The following SMAD3 variants were observed in gnomAD, a reference collection of about 807,000 sequenced individuals.
The protein encoded by SMAD3 is MAD homolog 3.
A neutral mutation model predicts 51.8 loss-of-function variants in SMAD3; 12 were observed. That is an observed-to-expected ratio of 0.23 (90% CI 0.15 to 0.38). SMAD3 has a LOEUF of 0.38. Ranked by LOEUF, SMAD3 falls within the 10% of genes least tolerant of loss-of-function variation. SMAD3 has a pLI of 1.00. For synonymous variants in SMAD3, 238 were observed against 227.7 expected (o/e 1.05, Z -0.41); for missense variants, 294 against 565.6 (o/e 0.52, Z 4.87).
intron 7 of SMAD3, chr15:67,187,089 G>C (rs1172725767): frequency 3.2e-6 from 2 of 616,558 alleles, no homozygotes; most frequent in Non-Finnish European, 6.1e-6. Context: ...CCCTGCTCTG[G>C]GAGTCGGAGC....
chr15:67,098,989 T>C (rs1566967662), intron 1 of SMAD3: 1 of 702,414 alleles, frequency 1.4e-6, no homozygotes, highest in Non-Finnish European at 2.6e-6. Context: ...CCCCAAACTG[T>C]GGACAGAGCG....
chr15:67,068,484 C>T (rs1959978809), intron 1 of SMAD3, among the ~76,000 whole-genome samples: 1 of 152,194 alleles, frequency 6.6e-6, no homozygotes, highest in African/African-American at 2.4e-5. Context: ...TTTTCCTCTT[C>T]CAAAGTCCTG....
In SMAD3 at chr15:67,170,577, C is replaced by G. The variant is rs1488421539; in HGVS notation, c.631C>G (p.Pro211Ala). The G allele has an allele frequency of 6.2e-7, 1 of 1,614,032 alleles. No homozygotes were observed. The highest frequency in any genetic ancestry group is 1.7e-5 in the Admixed American group (1 of 60,030). ...AGGTTCTCCAAACCTATCCCCGAAT[C>G]CGATGTCCCCAGCACATAATAACTT... ...DAGSPNLSPN[P>A]MSPAHNNLDL... Residue 211 changes from proline (P) to alanine (A), a missense_variant, in exon 5 of 9, where the codon CCG (proline) becomes GCG (alanine). Pro to Ala is a conservative substitution (Grantham distance 27). Coordinates refer to ENST00000327367, the MANE Select transcript of SMAD3 (RefSeq NM_005902.4).
rs111267434 is a variant in SMAD3, at chr15:67,065,775, G to C, written c.-380G>C. 2 of 201,692 alleles carry C rather than the reference G, an allele frequency of 9.9e-6. No individual in the cohort carries two copies. Among genetic ancestry groups the C allele is most frequent in the Non-Finnish European group, 1.0e-5 (1 of 97,628 alleles). 12.5% of individuals were successfully genotyped at this position (201,692 alleles called of 1,614,324 possible). On this transcript the variant is annotated 5_prime_UTR_variant, in exon 1 of 9. Transcript: ENST00000327367. ...GCGAGGCGAGCGAAGTTTGGCCGGG[G>C]GTTGGACTTTCCTTCCCGGAGGCGG...
chr15:67,175,701 A>G (rs1962872728), intron 5 of SMAD3, among the ~76,000 whole-genome samples: 1 of 152,194 alleles, frequency 6.6e-6, no homozygotes, highest in African/African-American at 2.4e-5. Context: ...CCACGCTGAC[A>G]GGCCCGGCTT....
intron 5 of SMAD3, among the ~76,000 whole-genome samples, chr15:67,177,870 A>G (rs893475): frequency 0.3 from 45,832 of 151,894 alleles, 7,814 homozygotes; most frequent in Admixed American, 0.45. Flanking sequence ...AGGGACCTAG[A>G]AAGGAGGGAA....
At chr15:67,186,896 G>A in intron 7 of SMAD3, 1 of 360,354 alleles carries the variant, frequency 2.8e-6, no homozygotes, top group Admixed American at 3.7e-5. Context: ...GCCCGTCTCT[G>A]GGGGCACTGC....
chr15:67,115,277 A>G (rs893167757), intron 1 of SMAD3, among the ~76,000 whole-genome samples: 2 of 151,930 alleles, frequency 1.3e-5, no homozygotes, highest in Admixed American at 6.6e-5. Flanking sequence ...CGGAAGCAGA[A>G]TCTCACCCAC....
chr15:67,156,084 C>T (rs752358126), intron 1 of SMAD3, among the ~76,000 whole-genome samples: 1 of 151,778 alleles, frequency 6.6e-6, no homozygotes, highest in African/African-American at 2.4e-5. Context: ...GGATATGAAA[C>T]TCTGAGGGCA....
chr15:67,074,150 C>G (rs12908498), intron 1 of SMAD3, among the ~76,000 whole-genome samples: 70,068 of 152,128 alleles, frequency 0.46, 16,462 homozygotes, highest in South Asian at 0.66. Context: ...CTCCCTCTTC[C>G]TTGCCTCTTC....
chr15:67,125,887 C>A, intron 1 of SMAD3: 32 of 985,502 alleles, frequency 3.2e-5, no homozygotes, highest in Non-Finnish European at 3.9e-5. Flanking sequence ...TCACCAGGAA[C>A]CCCACACGCT....
chr15:67,084,016 G>A (rs1260309045), intron 1 of SMAD3, among the ~76,000 whole-genome samples: 1 of 150,370 alleles, frequency 6.7e-6, no homozygotes, highest in Admixed American at 6.6e-5. Context: ...TGACAAGCTT[G>A]AAGGGAGAAT....
At chr15:67,186,402 C>T (rs1963223144) in intron 7 of SMAD3, among the ~76,000 whole-genome samples, 1 of 152,162 alleles carries the variant, frequency 6.6e-6, no homozygotes, top group African/African-American at 2.4e-5. Context: ...TTTGTCAGCT[C>T]ATAGAATGTC....
At chr15:67,166,202 A>C (rs986324550) in intron 3 of SMAD3, 4 of 1,017,678 alleles carry the variant, frequency 3.9e-6, no homozygotes, top group African/African-American at 1.7e-5. Context: ...GGGTAAGTCA[A>C]CTACTCCCTG....
intron 1 of SMAD3, among the ~76,000 whole-genome samples, chr15:67,121,069 T>C (rs1961249015): frequency 1.3e-5 from 2 of 152,194 alleles, no homozygotes; most frequent in African/African-American, 4.8e-5. Context: ...CAGGGCATGA[T>C]TGTATCTGTA....
At chr15:67,158,092 A>G (rs1224354466) in intron 1 of SMAD3, among the ~76,000 whole-genome samples, 1 of 152,122 alleles carries the variant, frequency 6.6e-6, no homozygotes, top group Non-Finnish European at 1.5e-5. Flanking sequence ...GGGCTGGGCC[A>G]GGGAGAAGAG....
chr15:67,193,678 ATGT>A lies in SMAD3; in HGVS notation c.*3146_*3148del, dbSNP rs1963425180. On this transcript the variant is annotated 3_prime_UTR_variant, in exon 9 of 9. Transcript: ENST00000327367. The stretch of plus-strand genomic sequence containing the variant: ...GCTGGCAGACGTCTCCATTGTCCTT[ATGT>A]TGTCTGTGTTGTATTTTTTTTTTTT... 1 of 232,018 alleles carries A rather than the reference ATGT, an allele frequency of 4.3e-6. No homozygotes were observed. The highest frequency in any genetic ancestry group is 8.5e-6 in the Non-Finnish European group (1 of 117,508). The allele number at this position is 232,018 out of a possible 1,614,324, so 14.4% of individuals were successfully genotyped here. A position where few individuals can be genotyped will look rare whatever the true frequency, so the allele number is the denominator to read the frequency against.
chr15:67,186,566 A>G (rs1019041206), intron 7 of SMAD3: 8 of 155,082 alleles, frequency 5.2e-5, no homozygotes, highest in Admixed American at 5.1e-4. Context: ...GGCTATTTCC[A>G]GCATGTGCTT....
At chr15:67,099,522 G>T (rs753861874) in intron 1 of SMAD3, among the ~76,000 whole-genome samples, 1 of 152,210 alleles carries the variant, frequency 6.6e-6, no homozygotes, top group Non-Finnish European at 1.5e-5. Context: ...GCTTATAATG[G>T]TTACTGCATA....
Sources: allele counts gnomAD v4.1 joint callset (sites outside exome capture counted in the v4.1 genomes callset), GRCh38; gene constraint gnomAD v4.1.1; transcripts MANE v1.5; gene names NCBI Gene and HGNC (gene_info 2026-07-23, HGNC 2026-07-21).